Variants in KATNB1 observed in about 807,000 individuals in gnomAD.
KATNB1 encodes katanin p80 WD40 repeat-containing subunit B1.
A neutral mutation model predicts 82.3 loss-of-function variants in KATNB1; 38 were observed. That is an observed-to-expected ratio of 0.46 (90% CI 0.36 to 0.61). The LOEUF (loss-of-function observed/expected upper bound fraction) is 0.61. Among genes scored for constraint, KATNB1 ranks in the 20% least tolerant of loss-of-function variants. The pLI, the probability that KATNB1 is intolerant of heterozygous loss-of-function variation, is 0.00. For missense variants in KATNB1, 749 were observed against 915.7 expected (o/e 0.82, Z 2.35); for synonymous variants, 361 against 368.7 (o/e 0.98, Z 0.24).
chr16:57,753,283 G>A lies in KATNB1; in HGVS notation c.1046+16G>A, dbSNP rs782126778. 7 of 1,582,782 alleles carry A rather than the reference G, an allele frequency of 4.4e-6. No individual in the cohort carries two copies. The highest frequency in any genetic ancestry group is 6.0e-6 in the Non-Finnish European group (7 of 1,161,838). ...AGCCTCAGAGGTGAGGGCCTGGGGG[G>A]CCTTCGGGGGCCCAGGAGAGGGACT... On this transcript the variant is annotated intron_variant, in intron 11 of 19. Coordinates refer to ENST00000379661, the MANE Select transcript of KATNB1 (RefSeq NM_005886.3).
intron 2 of KATNB1, among the ~76,000 whole-genome samples, chr16:57,738,733 T>C (rs865795191): frequency 1.3e-5 from 2 of 152,182 alleles, no homozygotes; most frequent in Non-Finnish European, 1.5e-5. Context: ...CACACTTTGG[T>C]CAGAGTGGCT....
At chr16:57,754,235 A>T (rs377384650) in intron 13 of KATNB1, among the ~76,000 whole-genome samples, 4 of 151,802 alleles carry the variant, frequency 2.6e-5, no homozygotes, top group African/African-American at 9.7e-5. Flanking sequence ...GGACACCACC[A>T]CACTGGGGGG....
intron 4 of KATNB1, among the ~76,000 whole-genome samples, chr16:57,744,776 C>CGTGTGTGTGT (rs60853487): frequency 1.3e-5 from 2 of 149,408 alleles, no homozygotes; most frequent in African/African-American, 4.9e-5. Context: ...TCTGCGGGCA[C>CGTGTGTGTGT]GTGTGTGTGT....
At chr16:57,741,063 G>C (rs782213322) in intron 2 of KATNB1, among the ~76,000 whole-genome samples, 1 of 152,184 alleles carries the variant, frequency 6.6e-6, no homozygotes, top group Non-Finnish European at 1.5e-5. Flanking sequence ...CCAAGGCCAC[G>C]CAATAGCAGA....
rs782054638 is a variant in KATNB1 at position 57,755,001 on chromosome 16, T to C, written c.1296+4T>C. On this transcript the variant is annotated splice_donor_region_variant and intron_variant, in intron 14 of 19. Coordinates refer to ENST00000379661, the MANE Select transcript of KATNB1 (RefSeq NM_005886.3). ...TGTGCAGTTCCCGGTGCCAAATGTA[T>C]GTCCATGGAGGGAGCATGGTGTGGG... The C allele has an allele frequency of 1.2e-5, 20 of 1,613,964 alleles. No individual in the cohort carries two copies. Among genetic ancestry groups the C allele is most frequent in the Non-Finnish European group, 1.7e-5 (20 of 1,179,998 alleles).
chr16:57,744,563 G>T, intron 4 of KATNB1, 52 bp downstream of exon 4: 2 of 1,453,762 alleles, frequency 1.4e-6, no homozygotes. Flanking sequence ...TAGTCTTCAG[G>T]CTCTGCAGTT....
At position 57,757,161 on chromosome 16, in the gene KATNB1, A is replaced by C; in HGVS notation, c.*215A>C. 1 of 434,734 alleles carries C rather than the reference A, an allele frequency of 2.3e-6. No individual in the cohort carries two copies. The highest frequency in any genetic ancestry group is 3.9e-6 in the Non-Finnish European group (1 of 258,890). 26.9% of individuals were successfully genotyped at this position (434,734 alleles called of 1,614,324 possible). ...AGCAATAGCTGCCCAGCTTTGCCCA[A>C]CTGTTGCTTCTTGGGGCAGCGAACT... On this transcript the variant is annotated 3_prime_UTR_variant, in exon 20 of 20. Coordinates refer to ENST00000379661, the MANE Select transcript of KATNB1 (RefSeq NM_005886.3).
rs782233425 is a variant in KATNB1 at position 57,751,990 on chromosome 16, G to A, written c.567G>A (p.Thr189=). The part of the protein sequence containing the change: ...GKMMSEFPGH[T]GPVNVVEFHP... ...TGATGTCTGAGTTCCCTGGTCACAC[G>A]GGGCCTGTCAACGTGGTCGAGTTTC... is the stretch of plus-strand genomic sequence containing the variant. The change falls in exon 8 of 20, where the codon ACG becomes ACA. Residue 189 remains threonine (T), a synonymous_variant. Coordinates refer to ENST00000379661, the MANE Select transcript of KATNB1 (RefSeq NM_005886.3). The surrounding 1 kb of genome is among the most constrained non-coding windows in gnomAD (Gnocchi z 6.3). The A allele has an allele frequency of 3.1e-5, 50 of 1,613,728 alleles. No homozygotes were observed. The Admixed American group carries it at 4.2e-4, about 13-fold the overall frequency.
chr16:57,739,007 A>G (rs926773955), intron 2 of KATNB1, among the ~76,000 whole-genome samples: 3 of 152,174 alleles, frequency 2.0e-5, no homozygotes, highest in Non-Finnish European at 4.4e-5. Flanking sequence ...CATGAACAGC[A>G]AGTGCAAAGG....
In KATNB1 at chr16:57,741,933, T is replaced by G. The variant is rs1322510437; in HGVS notation, c.171+116T>G. On this transcript the variant is annotated intron_variant, in intron 3 of 19. Coordinates refer to ENST00000379661, the MANE Select transcript of KATNB1 (RefSeq NM_005886.3). ...AGACTCTCTTGAGCCCAGGGCCCCCTATCCGCTGGGGCCCAGCTCAGGGGT... is the reference window on the plus strand; with the variant it reads ...AGACTCTCTTGAGCCCAGGGCCCCCGATCCGCTGGGGCCCAGCTCAGGGGT... 3 of 1,235,894 alleles carry G rather than the reference T, an allele frequency of 2.4e-6. No individual in the cohort carries two copies. The African/African-American group carries it at 4.5e-5, about 18-fold the overall frequency. 76.6% of individuals were successfully genotyped at this position (1,235,894 alleles called of 1,614,324 possible). A position where few individuals can be genotyped will look rare whatever the true frequency, so the allele number is the denominator to read the frequency against.
At position 57,748,472 on chromosome 16, in the gene KATNB1, A is replaced by ATTT. The variant is rs782768160; in HGVS notation, c.290-2355_290-2354insTTT. On this transcript the variant is annotated intron_variant, in intron 4 of 19. Transcript: ENST00000379661. ...GAGACCCCATCTCTATTTTTTTAAA[A>ATTT]AAAAAAAAAAAAAGGAGAGAGAGAG... Among the ~76,000 whole-genome samples the ATTT allele has an allele frequency of 1.5e-3, 216 of 141,044 alleles. 1 individual carries two copies. Among genetic ancestry groups the ATTT allele is most frequent in the Non-Finnish European group, 1.4e-3 (91 of 63,226 alleles). 92.5% of individuals were successfully genotyped at this position (141,044 alleles called of 152,430 possible). A position where few individuals can be genotyped will look rare whatever the true frequency, so the allele number is the denominator to read the frequency against.
chr16:57,753,811 A>T, intron 12 of KATNB1, 134 bp from the exon 13 acceptor site: 1 of 840,564 alleles, frequency 1.2e-6, no homozygotes, highest in Non-Finnish European at 1.8e-6. Flanking sequence ...GGTTCCTGGG[A>T]CCAGGAGCAG....
chr16:57,745,435 T>C (rs1055646074), intron 4 of KATNB1, among the ~76,000 whole-genome samples: 5 of 151,846 alleles, frequency 3.3e-5, no homozygotes, highest in African/African-American at 1.2e-4. Context: ...TGGTGGCACA[T>C]GTCTGTAATC....
At position 57,753,527 on chromosome 16, in the gene KATNB1, CG is replaced by C; in HGVS notation, c.1177+11del. 6.2e-7 allele frequency: 1 copy of C among 1,612,370 alleles called. No individual in the cohort carries two copies. Among genetic ancestry groups the C allele is most frequent in the South Asian group, 1.1e-5 (1 of 91,028 alleles). ...AGCCCAAGAACAGCATCAGTGAGGC[CG>C]GGCTCCCGCCCCCAGCCCAGCGTCC... On this transcript the variant is annotated intron_variant, in intron 12 of 19. Transcript: ENST00000379661.
At chr16:57,735,966 T>G (rs2049096648) in intron 1 of KATNB1, 111 bp downstream of exon 1, 1 of 151,948 alleles carries the variant, frequency 6.6e-6, no homozygotes, top group Non-Finnish European at 1.5e-5. Flanking sequence ...GTGGGGAGGC[T>G]AGAGCCCGTA....
At chr16:57,738,580 A>T (rs2896941) in intron 2 of KATNB1, among the ~76,000 whole-genome samples, 21,400 of 152,072 alleles carry the variant, frequency 0.14, 1,657 homozygotes, top group Middle Eastern at 0.23. Flanking sequence ...TTTAACCATG[A>T]ATTTAACCAT....
At position 57,741,774 on chromosome 16, in the gene KATNB1, GCCGCGTCAACCTGTGGT is replaced by G; in HGVS notation, c.131_147del (p.Arg44HisfsTer119). The G allele has an allele frequency of 1.9e-6, 3 of 1,613,700 alleles. No homozygotes were observed. The highest frequency in any genetic ancestry group is 2.5e-6 in the Non-Finnish European group (3 of 1,179,984). On this transcript the variant is annotated frameshift_variant, in exon 3 of 20. Transcript: ENST00000379661. LOFTEE classifies it high-confidence loss of function. ...CTGCTGGCTACAGGCGGGGATGACT[GCCGCGTCAACCTGTGGT>G]CCATCAACAAGCCCAACTGCATCAT...
rs2049301054 is a variant in KATNB1, at chr16:57,757,187, G to C, written c.*241G>C. ...CTGTTGCTTCTTGGGGCAGCGAACT[G>C]AGCCCTGGGGCTGCTGCTGTAATTT... On this transcript the variant is annotated 3_prime_UTR_variant, in exon 20 of 20. Coordinates refer to ENST00000379661, the MANE Select transcript of KATNB1 (RefSeq NM_005886.3). 1.0e-5 allele frequency: 4 copies of C among 394,834 alleles called. No individual in the cohort carries two copies. In the South Asian group the frequency reaches 4.5e-4, roughly 44 times the overall value. The allele number at this position is 394,834 out of a possible 1,614,324, so 24.5% of individuals were successfully genotyped here. A position where few individuals can be genotyped will look rare whatever the true frequency, so the allele number is the denominator to read the frequency against.
At chr16:57,737,774 C>G (rs1335734105) in intron 2 of KATNB1, among the ~76,000 whole-genome samples, 1 of 152,186 alleles carries the variant, frequency 6.6e-6, no homozygotes, top group African/African-American at 2.4e-5. Context: ...CTGATGGGCA[C>G]TGTCCACTCC....
Sources: gnomAD v4.1 joint callset for allele counts (sites outside exome capture counted in the v4.1 genomes callset) on GRCh38, gnomAD v4.1.1 for gene constraint, Gnocchi (gnomAD v3.1) non-coding constraint, MANE v1.5 for transcripts, NCBI Gene and HGNC (gene_info 2026-07-23, HGNC 2026-07-21) for gene names.